MAML3: variants seen among roughly 807,000 people sequenced by gnomAD.
MAML3 encodes mastermind-like protein 3.
In MAML3, 27 loss-of-function variants were observed where a neutral mutation model predicts 101.9. The observed-to-expected ratio is 0.27, with a 90% CI of 0.20 to 0.37. MAML3 has a LOEUF of 0.37. Among genes scored for constraint, MAML3 ranks in the 10% least tolerant of loss-of-function variants. The pLI, the probability that MAML3 is intolerant of heterozygous loss-of-function variation, is 1.00. For synonymous variants in MAML3, 501 were observed against 555.9 expected (o/e 0.90, Z 1.39); for missense variants, 1,316 against 1,444.9 (o/e 0.91, Z 1.45).
At chr4:140,111,422 TG>T (rs1728437915) in intron 1 of MAML3, among the ~76,000 whole-genome samples, 1 of 152,224 alleles carries the variant, frequency 6.6e-6, no homozygotes, top group Admixed American at 6.5e-5. Flanking sequence ...TGCAAACACA[TG>T]GATGTTCAGT....
chr4:139,763,416 G>A lies in MAML3; in HGVS notation c.2080-32749C>T, dbSNP rs552804306. Among the ~76,000 whole-genome samples the A allele has an allele frequency of 3.3e-5, 5 of 152,288 alleles. 1 individual carries two copies. Among genetic ancestry groups the A allele is most frequent in the African/African-American group, 1.2e-4 (5 of 41,564 alleles). ...TGAGGGGGCCATCTGTTTAAGCAAC[G>A]AGAAGTACGGAGCTAAAGAGGCACA... On this transcript the variant is annotated intron_variant, in intron 2 of 4. Transcript: ENST00000509479.
intron 1 of MAML3, among the ~76,000 whole-genome samples, chr4:140,059,894 A>C (rs1423736811): frequency 1.3e-5 from 2 of 152,248 alleles, no homozygotes; most frequent in African/African-American, 2.4e-5. Context: ...GCATTGGCAA[A>C]AATGTTTTTC....
intron 1 of MAML3, among the ~76,000 whole-genome samples, chr4:139,939,756 G>C (rs1483397118): frequency 6.6e-6 from 1 of 150,948 alleles, no homozygotes; most frequent in Non-Finnish European, 1.5e-5. Context: ...GTTCTCAACA[G>C]GCACTTGCTT....
intron 1 of MAML3, among the ~76,000 whole-genome samples, chr4:140,115,299 A>G (rs1422073755): frequency 6.6e-6 from 1 of 152,154 alleles, no homozygotes; most frequent in Non-Finnish European, 1.5e-5. Context: ...TCCTCCTGAA[A>G]CTCAAGTGCT....
chr4:139,746,541 C>T (rs1324726767), intron 2 of MAML3, among the ~76,000 whole-genome samples: 1 of 152,166 alleles, frequency 6.6e-6, no homozygotes, highest in Admixed American at 6.5e-5. Flanking sequence ...TGGATTGCTT[C>T]ACCTATTTGT....
chr4:139,847,394 C>T (rs62322639), intron 2 of MAML3, among the ~76,000 whole-genome samples: 10 of 152,158 alleles, frequency 6.6e-5, no homozygotes, highest in South Asian at 4.1e-4. Context: ...AAGAGTCACA[C>T]GGAATCCCGC....
chr4:139,945,915 G>A (rs1733719366), intron 1 of MAML3, among the ~76,000 whole-genome samples: 1 of 152,214 alleles, frequency 6.6e-6, no homozygotes, highest in Non-Finnish European at 1.5e-5. Flanking sequence ...ACTAATAGCT[G>A]TAATAAGGAG....
At position 139,890,480 on chromosome 4, in the gene MAML3, G is replaced by A. The variant is rs549703611; in HGVS notation, c.956C>T (p.Thr319Met). The A allele has an allele frequency of 1.4e-5, 22 of 1,613,822 alleles. No individual in the cohort carries two copies. Among genetic ancestry groups the A allele is most frequent in the South Asian group, 4.4e-5 (4 of 91,082 alleles). The change falls in exon 2 of 5, where the codon ACG becomes ATG. Residue 319 changes from threonine (T) to methionine (M), a missense_variant. Transcript: ENST00000509479. The surrounding 1 kb of genome is among the most constrained non-coding windows in gnomAD (Gnocchi z 4.1). ...WQELIDELAN[T>M]VPEDDIQDLF... ...GTCCTGTATGTCATCCTCAGGAACC[G>A]TGTTGGCCAATTCATCTATTAATTC...
At chr4:139,875,654 T>C (rs1732101954) in intron 2 of MAML3, among the ~76,000 whole-genome samples, 2 of 152,066 alleles carry the variant, frequency 1.3e-5, no homozygotes, top group Admixed American at 6.5e-5. Context: ...AAATGTTATA[T>C]GTTGACTACA....
At chr4:139,836,327 A>T (rs1011140253) in intron 2 of MAML3, among the ~76,000 whole-genome samples, 1 of 152,208 alleles carries the variant, frequency 6.6e-6, no homozygotes, top group South Asian at 2.1e-4. Flanking sequence ...CTGCCAGCTC[A>T]TCAGTAAATG....
chr4:140,021,687 A>T (rs1417028417), intron 1 of MAML3, among the ~76,000 whole-genome samples: 1 of 151,444 alleles, frequency 6.6e-6, no homozygotes, highest in Non-Finnish European at 1.5e-5. Flanking sequence ...TGGGAATCTC[A>T]TTTCTTTCTT....
intron 2 of MAML3, among the ~76,000 whole-genome samples, chr4:139,821,848 C>T (rs1730978838): frequency 6.6e-6 from 1 of 152,130 alleles, no homozygotes; most frequent in African/African-American, 2.4e-5. Context: ...AATGCTTATC[C>T]CAGTACTATA....
At chr4:139,923,713 A>C (rs2111236988) in intron 1 of MAML3, among the ~76,000 whole-genome samples, 1 of 152,348 alleles carries the variant, frequency 6.6e-6, no homozygotes, top group Non-Finnish European at 1.5e-5. Flanking sequence ...CTTTCTAAAA[A>C]TATTTGGATG....
intron 1 of MAML3, among the ~76,000 whole-genome samples, chr4:139,978,789 C>T (rs555862670): frequency 6.6e-6 from 1 of 152,086 alleles, no homozygotes; most frequent in East Asian, 1.9e-4. Flanking sequence ...GACATCCCCC[C>T]CAGAGACCTT....
intron 2 of MAML3, among the ~76,000 whole-genome samples, chr4:139,828,975 GAGGAAGGAAGGAAGGAAGGA>G (rs548032946): frequency 2.8e-4 from 38 of 135,090 alleles, no homozygotes; most frequent in African/African-American, 8.6e-5. Context: ...CCTGTTGAAA[GAGGAAGGAAGGAAGGAAGGA>G]AGGAAGGAAG....
intron 1 of MAML3, among the ~76,000 whole-genome samples, chr4:139,988,326 CAAAAAAAAAAA>C (rs764018702): frequency 4.4e-4 from 36 of 81,938 alleles, no homozygotes; most frequent in Middle Eastern, 0.013. Context: ...GACTCCGTCT[CAAAAAAAAAAA>C]AAAAAAAAAA....
chr4:139,832,298 G>C (rs1731182314), intron 2 of MAML3, among the ~76,000 whole-genome samples: 1 of 145,628 alleles, frequency 6.9e-6, no homozygotes, highest in Non-Finnish European at 1.5e-5. Context: ...ATTTTTAGTA[G>C]ACAGGGTTTT....
Position 139,887,113 on chromosome 4 carries a change from G to A in MAML3, c.2079+2244C>T, listed in dbSNP as rs112983560. The stretch of plus-strand genomic sequence containing the variant: ...ATTTTATATCGTACCTGTAATTCGT[G>A]CTCGTATTTGTGGAATGTACCCGCA... On this transcript the variant is annotated intron_variant, in intron 2 of 4. Coordinates refer to ENST00000509479, the MANE Select transcript of MAML3 (RefSeq NM_018717.5). Among the ~76,000 whole-genome samples, 863 of 152,262 alleles carry A rather than the reference G, an allele frequency of 5.7e-3. 7 individuals are homozygous for A. The highest frequency in any genetic ancestry group is 0.02 in the African/African-American group (830 of 41,536).
intron 2 of MAML3, among the ~76,000 whole-genome samples, chr4:139,746,599 C>G (rs1011345320): frequency 6.6e-6 from 1 of 152,164 alleles, no homozygotes; most frequent in African/African-American, 2.4e-5. Context: ...CCATCTGTCT[C>G]TCTCGCTCTG....
Sources: gnomAD v4.1 joint callset for allele counts (sites outside exome capture counted in the v4.1 genomes callset) on GRCh38, gnomAD v4.1.1 for gene constraint, Gnocchi (gnomAD v3.1) non-coding constraint, MANE v1.5 for transcripts, NCBI Gene and HGNC (gene_info 2026-07-23, HGNC 2026-07-21) for gene names.